Variants in QKI observed in about 807,000 individuals in gnomAD.
The protein encoded by QKI is QKI, KH domain containing RNA binding, also known as KH domain-containing RNA-binding protein QKI.
In QKI, 10 loss-of-function variants were observed where a neutral mutation model predicts 39.0. The ratio of observed to expected loss-of-function variants is 0.26; its 90% CI spans 0.16 to 0.43. The LOEUF is 0.43. Ranked by LOEUF, QKI falls within the 20% of genes least tolerant of loss-of-function variation. The pLI is 1.00. For missense variants in QKI, 218 were observed against 428.0 expected, an observed-to-expected ratio of 0.51 and a Z score of 4.33; for synonymous variants, 204 against 155.4, an observed-to-expected ratio of 1.31 and a Z score of -2.33.
intron 2 of QKI, among the ~76,000 whole-genome samples, chr6:163,470,905 A>G (rs1273271635): frequency 6.6e-6 from 1 of 152,068 alleles, no homozygotes; most frequent in African/African-American, 2.4e-5. Context: ...AAAATTTAAT[A>G]TATGTAGTTG....
rs761617142 is a variant in QKI, at chr6:163,415,187, C to T, written c.-7C>T. The stretch of plus-strand genomic sequence containing the variant: ...CGGCGGGCGGAGTGAGCTGCGGAGC[C>T]TGGAATATGGTCGGGGAAATGGAAA... On this transcript the variant is annotated 5_prime_UTR_variant, in exon 1 of 8. Transcript: ENST00000361752. 9 of 1,553,152 alleles carry T rather than the reference C, an allele frequency of 5.8e-6. No homozygotes were observed. Among genetic ancestry groups the T allele is most frequent in the East Asian group, 2.5e-5 (1 of 40,782 alleles).
intron 2 of QKI, among the ~76,000 whole-genome samples, chr6:163,474,278 A>T (rs1278419090): frequency 5.3e-5 from 8 of 152,090 alleles, no homozygotes; most frequent in Admixed American, 5.2e-4. Flanking sequence ...AGGATGACAC[A>T]CTTTTATTTG....
chr6:163,434,946 G>A (rs1376988536), intron 1 of QKI, among the ~76,000 whole-genome samples: 4 of 151,988 alleles, frequency 2.6e-5, no homozygotes, highest in Middle Eastern at 3.2e-3. Flanking sequence ...TGTACAGATG[G>A]TAAATTAAAC....
At chr6:163,443,016 C>T (rs1789872117) in intron 1 of QKI, among the ~76,000 whole-genome samples, 1 of 152,022 alleles carries the variant, frequency 6.6e-6, no homozygotes, top group Non-Finnish European at 1.5e-5. Flanking sequence ...GTAGATTTGC[C>T]AGTAGCATGA....
chr6:163,572,498 A>G lies in QKI; in HGVS notation c.*1788A>G, dbSNP rs562005778. 1 of 152,050 alleles carries G rather than the reference A, an allele frequency of 6.6e-6. No homozygotes were observed. The highest frequency in any genetic ancestry group is 1.5e-5 in the Non-Finnish European group (1 of 68,014). The allele number at this position is 152,050 out of a possible 1,614,324, so 9.4% of individuals were successfully genotyped here. On this transcript the variant is annotated 3_prime_UTR_variant, in exon 8 of 8. Coordinates refer to ENST00000361752, the MANE Select transcript of QKI (RefSeq NM_006775.3). ...AAAGAATGTGAAAAACTAGCATCAT[A>G]GTGCATATAAATACTCAACCACATT...
At position 163,475,250 on chromosome 6, in the gene QKI, G is replaced by T. The variant is rs78212032; in HGVS notation, c.286-3530G>T. Among the ~76,000 whole-genome samples the T allele has an allele frequency of 1.9e-4, 29 of 152,208 alleles. No homozygotes were observed. In the East Asian group the frequency reaches 5.6e-3, roughly 29 times the overall value. On this transcript the variant is annotated intron_variant, in intron 2 of 7. Coordinates refer to ENST00000361752, the MANE Select transcript of QKI (RefSeq NM_006775.3). ...TACTGTCAGCTGTTTGTATCCTCAGGTTCCACATCTGTGGATTCAACCAAC... is the reference window on the plus strand; with the variant it reads ...TACTGTCAGCTGTTTGTATCCTCAGTTTCCACATCTGTGGATTCAACCAAC...
At chr6:163,487,180 GTT>G (rs5881536) in intron 3 of QKI, among the ~76,000 whole-genome samples, 12 of 148,878 alleles carry the variant, frequency 8.1e-5, no homozygotes, top group South Asian at 2.1e-4. Context: ...CATGGATATA[GTT>G]TTTTTTTTTT....
chr6:163,560,259 C>T (rs1479068509), intron 4 of QKI, among the ~76,000 whole-genome samples: 1 of 152,050 alleles, frequency 6.6e-6, no homozygotes, highest in Non-Finnish European at 1.5e-5. Flanking sequence ...TTAACTTTGT[C>T]GATAGGTTCT....
chr6:163,457,973 AATG>A (rs1340686774), intron 2 of QKI, among the ~76,000 whole-genome samples: 2 of 152,158 alleles, frequency 1.3e-5, no homozygotes, highest in Non-Finnish European at 2.9e-5. Flanking sequence ...ACAGGAACAG[AATG>A]ATGGGAGGAA....
At position 163,569,330 on chromosome 6, in the gene QKI, T is replaced by G; in HGVS notation, c.1010-1364T>G. On this transcript the variant is annotated intron_variant, in intron 7 of 7. Coordinates refer to ENST00000361752, the MANE Select transcript of QKI (RefSeq NM_006775.3). ...TATGAAGGTAAATCAGTCCATTATT[T>G]TGGATCATTTAAACTGAACATTACA... The G allele has an allele frequency of 8.0e-6, 9 of 1,119,012 alleles. No individual in the cohort carries two copies. In the South Asian group the frequency reaches 1.9e-4, roughly 24 times the overall value. 69.3% of individuals were successfully genotyped at this position (1,119,012 alleles called of 1,614,324 possible).
At chr6:163,497,899 A>G (rs1778510435) in intron 3 of QKI, among the ~76,000 whole-genome samples, 1 of 152,118 alleles carries the variant, frequency 6.6e-6, no homozygotes, top group Non-Finnish European at 1.5e-5. Context: ...GACTTCTACA[A>G]AACACTAGTG....
At chr6:163,449,831 TA>T (rs1293956074) in intron 1 of QKI, among the ~76,000 whole-genome samples, 1 of 152,172 alleles carries the variant, frequency 6.6e-6, no homozygotes, top group Non-Finnish European at 1.5e-5. Flanking sequence ...TTATATATTT[TA>T]TGAAATGACT....
chr6:163,422,337 G>A (rs1275787783), intron 1 of QKI, among the ~76,000 whole-genome samples: 1 of 152,106 alleles, frequency 6.6e-6, no homozygotes, highest in Non-Finnish European at 1.5e-5. Context: ...TTGAGGCTGG[G>A]GAAATGAATC....
At position 163,567,147 on chromosome 6, in the gene QKI, G is replaced by C. The variant is rs1783413026; in HGVS notation, c.1009+352G>C. The C allele has an allele frequency of 3.0e-6, 3 of 1,016,596 alleles. No homozygotes were observed. In the African/African-American group the frequency reaches 5.2e-5, roughly 18 times the overall value. 63.0% of individuals were successfully genotyped at this position (1,016,596 alleles called of 1,614,324 possible). A position where few individuals can be genotyped will look rare whatever the true frequency, so the allele number is the denominator to read the frequency against. ...TACCTTTTAAAAGTTCTGAAATTTG[G>C]GGTTGGTATTGCAAAATGAATTGAA... On this transcript the variant is annotated intron_variant, in intron 7 of 7. Coordinates refer to ENST00000361752, the MANE Select transcript of QKI (RefSeq NM_006775.3).
intron 4 of QKI, among the ~76,000 whole-genome samples, chr6:163,553,134 A>G (rs1782369178): frequency 7.4e-6 from 1 of 134,836 alleles, no homozygotes. Flanking sequence ...ATGGAGTTTC[A>G]CTCTTGTTGC....
chr6:163,425,722 G>A (rs1268539659), intron 1 of QKI, among the ~76,000 whole-genome samples: 1 of 152,136 alleles, frequency 6.6e-6, no homozygotes, highest in Non-Finnish European at 1.5e-5. Flanking sequence ...ACAGGTTAGT[G>A]TATTCATCCT....
At chr6:163,422,961 A>G (rs1408755139) in intron 1 of QKI, among the ~76,000 whole-genome samples, 1 of 152,204 alleles carries the variant, frequency 6.6e-6, no homozygotes, top group Non-Finnish European at 1.5e-5. Flanking sequence ...TTAAGAGTAG[A>G]ATTAGGGAAA....
intron 1 of QKI, among the ~76,000 whole-genome samples, chr6:163,448,777 C>G (rs1168368400): frequency 6.6e-6 from 1 of 151,758 alleles, no homozygotes; most frequent in Admixed American, 6.6e-5. Context: ...TAGTAACTTG[C>G]TTTTTAATCT....
In QKI at chr6:163,465,521, C is replaced by T. The variant is rs117001495; in HGVS notation, c.285+10100C>T. ...TGCATGCCTGTAATCCCAGCTTGCT[C>T]GGGAGGCTGAGGCAGGAGAATCACT... On this transcript the variant is annotated intron_variant, in intron 2 of 7. Coordinates refer to ENST00000361752, the MANE Select transcript of QKI (RefSeq NM_006775.3). 2.1e-3 allele frequency among the ~76,000 whole-genome samples: 313 copies of T among 150,276 alleles called. 4 individuals carry two copies. In the East Asian group the frequency reaches 0.047, roughly 23 times the overall value.
Sources: allele counts gnomAD v4.1 joint callset (sites outside exome capture counted in the v4.1 genomes callset), GRCh38; gene constraint gnomAD v4.1.1; transcripts MANE v1.5; gene names NCBI Gene and HGNC (gene_info 2026-07-23, HGNC 2026-07-21).